CPA3: variants seen among roughly 807,000 people sequenced by gnomAD.
The protein encoded by CPA3 is mast cell carboxypeptidase A.
CPA3 carries 52 observed loss-of-function variants against 55.8 expected under a neutral mutation model. That is an observed-to-expected ratio of 0.93 (90% CI 0.75 to 1.17). The LOEUF (loss-of-function observed/expected upper bound fraction) is 1.17. CPA3 is among the 50% of genes most tolerant of loss of function. The pLI is 0.00. For synonymous variants in CPA3, 179 were observed against 171.2 expected (o/e 1.05, Z -0.36); for missense variants, 547 against 509.1 (o/e 1.07, Z -0.72).
intron 6 of CPA3, among the ~76,000 whole-genome samples, chr3:148,881,249 A>G (rs1714355010): frequency 6.6e-6 from 1 of 152,204 alleles, no homozygotes; most frequent in African/African-American, 2.4e-5. Flanking sequence ...TATGAAACAT[A>G]TCTCTCATGC....
chr3:148,881,468 C>A (rs1714364760), intron 6 of CPA3, 54 bp from the exon 7 acceptor site: 4 of 1,074,434 alleles, frequency 3.7e-6, no homozygotes, highest in Non-Finnish European at 4.3e-6. Flanking sequence ...CACAGCTTTC[C>A]ACATAATAGC....
intron 10 of CPA3, among the ~76,000 whole-genome samples, chr3:148,895,327 C>G (rs1001709703): frequency 6.6e-6 from 1 of 152,162 alleles, no homozygotes; most frequent in Non-Finnish European, 1.5e-5. Context: ...ACACACTAGC[C>G]TTTCTTCAAG....
At chr3:148,868,142 C>T (rs1424376000) in intron 2 of CPA3, among the ~76,000 whole-genome samples, 1 of 152,154 alleles carries the variant, frequency 6.6e-6, no homozygotes. Context: ...TGATCCGCAC[C>T]TCAGCCTTCC....
rs201526839 is a variant in CPA3 at position 148,893,243 on chromosome 3, TA to T, written c.1067-3267del. Among the ~76,000 whole-genome samples the T allele has an allele frequency of 6.8e-3, 994 of 146,898 alleles. 58 individuals carry two copies. In the East Asian group the frequency reaches 0.14, roughly 21 times the overall value. On this transcript the variant is annotated intron_variant, in intron 10 of 10. Coordinates refer to ENST00000296046, the MANE Select transcript of CPA3 (RefSeq NM_001870.4). Reference sequence around the variant, plus strand: ...AAAAGAATTTCAAAGTTGCCATCATTAAAAAAAAAATGCCTCAACAAACAAT... The same window carrying T: ...AAAAGAATTTCAAAGTTGCCATCATTAAAAAAAAATGCCTCAACAAACAAT...
At chr3:148,869,063 A>C (rs1219597383) in intron 3 of CPA3, 24 bp downstream of exon 3, 1 of 1,605,884 alleles carries the variant, frequency 6.2e-7, no homozygotes, top group Non-Finnish European at 8.5e-7. Context: ...AAATATTGAA[A>C]TTTGTTGGAT....
intron 3 of CPA3, among the ~76,000 whole-genome samples, chr3:148,873,377 G>GCA (rs35303662): frequency 0.38 from 55,913 of 145,910 alleles, 11,498 homozygotes; most frequent in Middle Eastern, 0.5. Context: ...GCGCACACGC[G>GCA]CACACACACA....
chr3:148,873,049 C>T (rs1576580093), intron 3 of CPA3, among the ~76,000 whole-genome samples: 1 of 152,012 alleles, frequency 6.6e-6, no homozygotes, highest in East Asian at 1.9e-4. Context: ...CACACACACA[C>T]ACACACACAC....
intron 3 of CPA3, 38 bp from the exon 4 acceptor site, chr3:148,878,403 T>A (rs559987225): frequency 2.9e-6 from 4 of 1,378,008 alleles, no homozygotes; most frequent in African/African-American, 1.4e-5. Flanking sequence ...TCCTTTCTCA[T>A]GATAAAACAT....
chr3:148,879,480 C>A (rs1041788964), intron 5 of CPA3, among the ~76,000 whole-genome samples: 1 of 152,142 alleles, frequency 6.6e-6, no homozygotes, highest in Non-Finnish European at 1.5e-5. Flanking sequence ...TAATAAATTT[C>A]TCAGAACACA....
intron 3 of CPA3, among the ~76,000 whole-genome samples, chr3:148,876,714 T>C (rs1251929854): frequency 6.6e-6 from 1 of 152,096 alleles, no homozygotes; most frequent in Admixed American, 6.5e-5. Context: ...TACTCAAAAT[T>C]TTTGGAAAAA....
At chr3:148,891,793 C>A (rs1714677580) in intron 10 of CPA3, among the ~76,000 whole-genome samples, 1 of 152,214 alleles carries the variant, frequency 6.6e-6, no homozygotes, top group South Asian at 2.1e-4. Flanking sequence ...GTTTACTCGA[C>A]TGCAAATAGA....
At chr3:148,872,736 C>A (rs1335872864) in intron 3 of CPA3, among the ~76,000 whole-genome samples, 1 of 152,036 alleles carries the variant, frequency 6.6e-6, no homozygotes, top group African/African-American at 2.4e-5. Flanking sequence ...GTATAACATG[C>A]ATGTTATACT....
In CPA3 at chr3:148,883,672, G is replaced by C. The variant is rs779547580; in HGVS notation, c.838G>C (p.Glu280Gln). The change falls in exon 9 of 11, where the codon GAG (glutamate) becomes CAG (glutamine). Residue 280 changes from glutamate (E) to glutamine (Q), a missense_variant. Coordinates refer to ENST00000296046, the MANE Select transcript of CPA3 (RefSeq NM_001870.4). ...CTATCGGGGCTCTGCACCAGAGTCC[G>C]AGAAAGAGACGAAAGCTGTCACTAA... Reference protein sequence around the residue: ...DNYRGSAPESEKETKAVTNFI... With the variant: ...DNYRGSAPESQKETKAVTNFI... 2 of 1,613,958 alleles carry C rather than the reference G, an allele frequency of 1.2e-6. No homozygotes were observed. The highest frequency in any genetic ancestry group is 1.7e-6 in the Non-Finnish European group (2 of 1,179,978).
chr3:148,895,443 A>G (rs533261850), intron 10 of CPA3, among the ~76,000 whole-genome samples: 1 of 152,232 alleles, frequency 6.6e-6, no homozygotes, highest in South Asian at 2.1e-4. Flanking sequence ...TTTCTTTTAA[A>G]TCTTGGTAAA....
chr3:148,869,121 C>T, intron 3 of CPA3, 82 bp downstream of exon 3: 1 of 1,499,728 alleles, frequency 6.7e-7, no homozygotes, highest in Non-Finnish European at 9.0e-7. Flanking sequence ...TTACAATGGA[C>T]CTATTTTTAA....
At chr3:148,885,612 A>G (rs1160353542) in intron 9 of CPA3, among the ~76,000 whole-genome samples, 2 of 151,774 alleles carry the variant, frequency 1.3e-5, no homozygotes, top group South Asian at 2.1e-4. Context: ...GGGTTTCACC[A>G]TGCTAGCCAG....
chr3:148,868,928 A>G lies in CPA3; in HGVS notation c.158A>G (p.Tyr53Cys). Residue 53 changes from tyrosine (Y) to cysteine (C), a missense_variant, in exon 3 of 11, where the codon TAT (tyrosine) becomes TGT (cysteine). Transcript: ENST00000296046. ...LAKTNELDFW[Y>C]PGATHHVAAN... is the part of the protein sequence containing the mutation. The stretch of plus-strand genomic sequence containing the variant: ...TTATCTCTGCAGCTTGACTTCTGGT[A>G]TCCAGGTGCCACCCACCACGTAGCT... The G allele has an allele frequency of 6.2e-7, 1 of 1,613,902 alleles. No homozygotes were observed. The highest frequency in any genetic ancestry group is 8.5e-7 in the Non-Finnish European group (1 of 1,179,968).
At chr3:148,889,203 A>T (rs1373045034) in intron 10 of CPA3, among the ~76,000 whole-genome samples, 1 of 152,120 alleles carries the variant, frequency 6.6e-6, no homozygotes, top group Non-Finnish European at 1.5e-5. Context: ...AATGTTAATC[A>T]AACATGCATG....
chr3:148,876,457 A>G lies in CPA3; in HGVS notation c.270-1984A>G, dbSNP rs952780275. ...AGTGGCACAATCTCAGCTCACTGCA[A>G]CCTCCACCTCCTGGGTTCAAGCAAT... On this transcript the variant is annotated intron_variant, in intron 3 of 10. Coordinates refer to ENST00000296046, the MANE Select transcript of CPA3 (RefSeq NM_001870.4). 1.2e-4 allele frequency among the ~76,000 whole-genome samples: 18 copies of G among 151,830 alleles called. 1 individual carries two copies. Among genetic ancestry groups the G allele is most frequent in the African/African-American group, 4.1e-4 (17 of 41,376 alleles).
Sources: gnomAD v4.1 joint callset for allele counts (sites outside exome capture counted in the v4.1 genomes callset) on GRCh38, gnomAD v4.1.1 for gene constraint, MANE v1.5 for transcripts, NCBI Gene and HGNC (gene_info 2026-07-23, HGNC 2026-07-21) for gene names.